The following OCA2 variants were observed in gnomAD, a reference collection of about 807,000 sequenced individuals.
OCA2 encodes P protein.
Under a neutral mutation model 100.2 loss-of-function variants are expected in OCA2, and 77 were observed. The observed-to-expected ratio is 0.77, with a 90% CI of 0.64 to 0.93. The LOEUF is 0.93. Ranked by LOEUF, OCA2 falls within the 40% of genes least tolerant of loss-of-function variation. The pLI, the probability that OCA2 is intolerant of heterozygous loss-of-function variation, is 0.00. For missense variants in OCA2, 1,062 were observed against 1,089.1 expected, an observed-to-expected ratio of 0.98 and a Z score of 0.35; for synonymous variants, 432 against 439.2, an observed-to-expected ratio of 0.98 and a Z score of 0.21.
chr15:28,037,157 C>T (rs2043068786), intron 2 of OCA2, among the ~76,000 whole-genome samples: 1 of 151,730 alleles, frequency 6.6e-6, no homozygotes, highest in African/African-American at 2.4e-5. Flanking sequence ...CATGCAGAGC[C>T]GTGTAAAAGA....
rs891592543 is a variant in OCA2 at position 27,920,449 on chromosome 15, C to T, written c.2079+5678G>A. Among the ~76,000 whole-genome samples, 162 of 152,126 alleles carry T rather than the reference C, an allele frequency of 1.1e-3. 1 individual carries two copies. Among genetic ancestry groups the T allele is most frequent in the African/African-American group, 3.6e-3 (151 of 41,506 alleles). ...ATTCAGGGAGATAAATCAGCATCTA[C>T]AGTTGCTAAAATACATTATCTAAAA... is the stretch of plus-strand genomic sequence containing the variant. On this transcript the variant is annotated intron_variant, in intron 19 of 23. Coordinates refer to ENST00000354638, the MANE Select transcript of OCA2 (RefSeq NM_000275.3).
chr15:27,722,341 G>C, the OCA2 span, among the ~76,000 whole-genome samples: 4 of 152,200 alleles, frequency 2.6e-5, no homozygotes, highest in Non-Finnish European at 5.9e-5. Context: ...CAGAGATCAC[G>C]TGCCAAGGTT....
chr15:28,006,161 C>T (rs1337379484), intron 9 of OCA2, among the ~76,000 whole-genome samples: 1 of 152,162 alleles, frequency 6.6e-6, no homozygotes, highest in East Asian at 1.9e-4. Context: ...CCTCCGCACA[C>T]GTTAGCTCCG....
chr15:27,790,434 C>T (rs2033026724), intron 23 of OCA2, among the ~76,000 whole-genome samples: 1 of 152,216 alleles, frequency 6.6e-6, no homozygotes. Flanking sequence ...TGTGGTCCAT[C>T]TATGCAATAA....
At position 27,957,529 on chromosome 15, in the gene OCA2, GGCCCATGGAATGTTCTGCT is replaced by G; in HGVS notation, c.1784+40_1784+58del. The G allele has an allele frequency of 6.3e-7, 1 of 1,592,586 alleles. No homozygotes were observed. Among genetic ancestry groups the G allele is most frequent in the Admixed American group, 1.7e-5 (1 of 59,964 alleles). On this transcript the variant is annotated intron_variant, in intron 16 of 23. Transcript: ENST00000354638. This position sits in a 1 kb window ranked among gnomAD's most constrained non-coding sequence, Gnocchi z 4.3. ...ATACAGCTAATGTCGCTATTTTGTA[GGCCCATGGAATGTTCTGCT>G]GCACACCAAGCACAGTCTGAGCAGG...
intron 15 of OCA2, among the ~76,000 whole-genome samples, chr15:27,965,281 A>G (rs1014614114): frequency 5.3e-5 from 8 of 152,200 alleles, no homozygotes; most frequent in Non-Finnish European, 7.3e-5. Context: ...AAACCTATAT[A>G]TTAATTTATC....
At chr15:27,935,298 TA>T (rs2039413206) in intron 18 of OCA2, among the ~76,000 whole-genome samples, 1 of 152,242 alleles carries the variant, frequency 6.6e-6, no homozygotes, top group South Asian at 2.1e-4. Context: ...GAGTGGGCAT[TA>T]ATCTCTCACC....
intron 2 of OCA2, among the ~76,000 whole-genome samples, chr15:28,034,947 C>T (rs931658732): frequency 6.6e-6 from 1 of 152,116 alleles, no homozygotes; most frequent in Non-Finnish European, 1.5e-5. Context: ...GGTCAGGAGA[C>T]CCTCAGGAGA....
At chr15:27,808,578 C>T (rs72710504) in intron 23 of OCA2, among the ~76,000 whole-genome samples, 2,118 of 152,244 alleles carry the variant, frequency 0.014, 24 homozygotes, top group South Asian at 0.058. Context: ...TACACTTTAG[C>T]GCTGCACTGA....
intron 19 of OCA2, among the ~76,000 whole-genome samples, chr15:27,924,528 A>G (rs1370597059): frequency 6.6e-6 from 1 of 152,188 alleles, no homozygotes; most frequent in Non-Finnish European, 1.5e-5. Context: ...AAGCACAAAC[A>G]AGGGAGGACA....
chr15:27,756,938 G>A (rs1377853204), intron 23 of OCA2, among the ~76,000 whole-genome samples: 1 of 152,188 alleles, frequency 6.6e-6, no homozygotes, highest in African/African-American at 2.4e-5. Flanking sequence ...CGCAGAGAAG[G>A]AGCATCACCT....
intron 19 of OCA2, chr15:27,895,937 T>C: frequency 3.0e-6 from 2 of 667,178 alleles, no homozygotes; most frequent in Non-Finnish European, 5.5e-6. Context: ...ACGCACAGCA[T>C]ATGCATGTGA....
chr15:27,840,158 T>C (rs2035293603), intron 23 of OCA2, among the ~76,000 whole-genome samples: 1 of 151,922 alleles, frequency 6.6e-6, no homozygotes, highest in Admixed American at 6.6e-5. Flanking sequence ...AAATTTGAAA[T>C]TTGAAAAAAC....
chr15:27,882,613 G>C (rs528906572), intron 19 of OCA2, among the ~76,000 whole-genome samples: 1 of 152,154 alleles, frequency 6.6e-6, no homozygotes, highest in Non-Finnish European at 1.5e-5. Flanking sequence ...TGTACATCGA[G>C]TCCTTTGGTA....
chr15:27,922,713 G>T (rs2038907262), intron 19 of OCA2, among the ~76,000 whole-genome samples: 1 of 146,900 alleles, frequency 6.8e-6, no homozygotes, highest in African/African-American at 2.7e-5. Flanking sequence ...GTGTGTGTGT[G>T]TGTGTGTGTT....
intron 21 of OCA2, among the ~76,000 whole-genome samples, chr15:27,860,579 G>A (rs928179156): frequency 2.6e-5 from 4 of 152,160 alleles, no homozygotes; most frequent in Admixed American, 2.0e-4. Context: ...GTGTGAATTC[G>A]ATTAGGATAA....
chr15:27,845,090 T>A, intron 22 of OCA2, 38 bp from the exon 23 acceptor site: 1 of 1,450,186 alleles, frequency 6.9e-7, no homozygotes, highest in African/African-American at 1.4e-5. Context: ...CCAGTTCATC[T>A]TGGTGGTAAG....
chr15:27,866,693 G>C (rs2036337443), intron 21 of OCA2, among the ~76,000 whole-genome samples: 1 of 152,200 alleles, frequency 6.6e-6, no homozygotes, highest in South Asian at 2.1e-4. Context: ...GGGACCCAGA[G>C]GGCAAGCGAG....
rs2140619427 is a variant in OCA2, at chr15:27,951,873, A to G, written c.1862T>C (p.Ile621Thr). ...LQKKHRISDG[I>T]LLAKCLTVLG... ...CACTGTCAGGCATTTGGCGAGCAGA[A>G]TCCCGTCAGATATCCTATGCTGTAA... is the stretch of plus-strand genomic sequence containing the variant. Residue 621 changes from isoleucine (I) to threonine (T), a missense_variant, in exon 18 of 24, where the codon ATT becomes ACT. Physicochemically the swap from Ile to Thr is moderately conservative, Grantham distance 89. Coordinates refer to ENST00000354638, the MANE Select transcript of OCA2 (RefSeq NM_000275.3). 1 of 1,612,830 alleles carries G rather than the reference A, an allele frequency of 6.2e-7. No homozygotes were observed. The highest frequency in any genetic ancestry group is 8.5e-7 in the Non-Finnish European group (1 of 1,178,830).
Sources: allele counts gnomAD v4.1 joint callset (sites outside exome capture counted in the v4.1 genomes callset), GRCh38; gene constraint gnomAD v4.1.1; non-coding constraint Gnocchi (gnomAD v3.1); transcripts MANE v1.5; gene names NCBI Gene and HGNC (gene_info 2026-07-23, HGNC 2026-07-21).